The following AMPD1 variants were observed in gnomAD, a reference collection of about 807,000 sequenced individuals.
AMPD1 encodes the protein AMP deaminase 1.
Under a neutral mutation model 82.9 loss-of-function variants are expected in AMPD1, and 74 were observed. That is an observed-to-expected ratio of 0.89 (90% CI 0.74 to 1.08). The LOEUF is 1.08. Ranked by LOEUF, AMPD1 falls within the 50% of genes least tolerant of loss-of-function variation. AMPD1 has a pLI of 0.00. For synonymous variants in AMPD1, 333 were observed against 320.5 expected (o/e 1.04, Z -0.42); for missense variants, 881 against 924.5 (o/e 0.95, Z 0.61).
intron 1 of AMPD1, among the ~76,000 whole-genome samples, chr1:114,693,854 A>G (rs1444218834): frequency 2.0e-5 from 3 of 152,188 alleles, no homozygotes; most frequent in Non-Finnish European, 4.4e-5. Flanking sequence ...ATCCTTAAAC[A>G]TGGAAAAAGC....
chr1:114,686,850 A>G lies in AMPD1; in HGVS notation c.276T>C (p.Ser92=). 1 of 1,614,192 alleles carries G rather than the reference A, an allele frequency of 6.2e-7. No homozygotes were observed. The highest frequency in any genetic ancestry group is 8.5e-7 in the Non-Finnish European group (1 of 1,180,022). Residue 92 remains serine, a synonymous_variant, in exon 4 of 16, where the codon TCT becomes TCC. Coordinates refer to ENST00000520113, the MANE Select transcript of AMPD1 (RefSeq NM_000036.3). ...VNLSIPLSET[S]STKLSHIDEY... ...CATCAATGTGGGACAGTTTGGTGGA[A>G]GATGTTTCACTTAGTGGAATGGACA...
At position 114,686,903 on chromosome 1, in the gene AMPD1, GC is replaced by G. The variant is rs1557973308; in HGVS notation, c.222del (p.Lys74AsnfsTer15). The G allele has an allele frequency of 1.2e-6, 2 of 1,614,170 alleles. No homozygotes were observed. Among genetic ancestry groups the G allele is most frequent in the Non-Finnish European group, 1.7e-6 (2 of 1,180,026 alleles). ...LSTSTEARRK[K>X]RFQGRKTVNL... ...TTAACAGTCTTCCGTCCTTGGAAACGCTTTTTTCTGGGTTCGAAATTTAAAA... is the reference window on the plus strand; with the variant it reads ...TTAACAGTCTTCCGTCCTTGGAAACGTTTTTTCTGGGTTCGAAATTTAAAA... On this transcript the variant is annotated frameshift_variant, in exon 4 of 16. Transcript: ENST00000520113. LOFTEE classifies it high-confidence loss of function.
intron 10 of AMPD1, among the ~76,000 whole-genome samples, chr1:114,677,059 C>T (rs1658004532): frequency 6.6e-6 from 1 of 151,960 alleles, no homozygotes; most frequent in Admixed American, 6.6e-5. Flanking sequence ...AAAATGTATA[C>T]CAAACTGTAC....
chr1:114,688,505 G>A, intron 3 of AMPD1, 56 bp downstream of exon 3: 1 of 1,575,422 alleles, frequency 6.3e-7, no homozygotes, highest in Non-Finnish European at 8.7e-7. Flanking sequence ...TATCTTCCCT[G>A]GCAGATACCC....
At chr1:114,692,509 C>A (rs1041336698) in intron 2 of AMPD1, among the ~76,000 whole-genome samples, 1 of 151,502 alleles carries the variant, frequency 6.6e-6, no homozygotes, top group Non-Finnish European at 1.5e-5. Flanking sequence ...AATGGTGAAA[C>A]CTCGTCTCTA....
At chr1:114,677,666 C>T (rs1414727761) in intron 9 of AMPD1, 152 bp from the exon 10 acceptor site, 1 of 1,168,526 alleles carries the variant, frequency 8.6e-7, no homozygotes, top group Non-Finnish European at 1.2e-6. Flanking sequence ...AATTTCTCTA[C>T]CTTAGCAATA....
At chr1:114,676,845 G>A (rs968259448) in intron 10 of AMPD1, among the ~76,000 whole-genome samples, 19 of 152,268 alleles carry the variant, frequency 1.2e-4, no homozygotes, top group African/African-American at 4.1e-4. Flanking sequence ...CCCTGAAGGC[G>A]ATGAATGATA....
In AMPD1 at chr1:114,678,745, A is replaced by G. The variant is rs111912053; in HGVS notation, c.898-218T>C. On this transcript the variant is annotated intron_variant, in intron 7 of 15. Transcript: ENST00000520113. ...AAAGGTTAGGCTAGAGGCAATAAGA[A>G]TGCTTGCTTCTTCTGTATATCTGTA... is the stretch of plus-strand genomic sequence containing the variant. 5.6e-3 allele frequency among the ~76,000 whole-genome samples: 853 copies of G among 152,276 alleles called. 4 individuals carry two copies. Among genetic ancestry groups the G allele is most frequent in the Non-Finnish European group, 0.01 (696 of 68,028 alleles).
chr1:114,687,765 C>G (rs1332963670), intron 3 of AMPD1, among the ~76,000 whole-genome samples: 1 of 151,952 alleles, frequency 6.6e-6, no homozygotes, highest in Non-Finnish European at 1.5e-5. Context: ...ATGGGATGGG[C>G]AGGTCATGAG....
In AMPD1 at chr1:114,674,641, A is replaced by G; in HGVS notation, c.1800+111T>C. 3.0e-6 allele frequency: 4 copies of G among 1,345,464 alleles called. No homozygotes were observed. The South Asian group carries it at 3.8e-5, about 13-fold the overall frequency. The allele number at this position is 1,345,464 out of a possible 1,614,324, so 83.3% of individuals were successfully genotyped here. ...TAAACTAAAAAATCTTTTATGCTCT[A>G]CTTGATTATGATTGCAGTGTCGATA... On this transcript the variant is annotated intron_variant, in intron 13 of 15. Coordinates refer to ENST00000520113, the MANE Select transcript of AMPD1 (RefSeq NM_000036.3).
chr1:114,674,143 A>C, intron 13 of AMPD1, 61 bp from the exon 14 acceptor site: 5 of 1,459,526 alleles, frequency 3.4e-6, no homozygotes, highest in Non-Finnish European at 4.7e-6. Flanking sequence ...AACTAGAAAC[A>C]CTACAATCTC....
chr1:114,680,352 C>T lies in AMPD1; in HGVS notation c.674G>A (p.Ser225Asn). The T allele has an allele frequency of 6.2e-7, 1 of 1,614,174 alleles. No individual in the cohort carries two copies. The highest frequency in any genetic ancestry group is 8.5e-7 in the Non-Finnish European group (1 of 1,180,040). ...AGGAAGTGGCTTAGGCTCATCTTTGCTGACTGCTGCTTCATTAGGATAGAC... is the reference window on the plus strand; with the variant it reads ...AGGAAGTGGCTTAGGCTCATCTTTGTTGACTGCTGCTTCATTAGGATAGAC... ...VYVYPNEAAV[S>N]KDEPKPLPYP... Residue 225 changes from serine (S) to asparagine (N), a missense_variant, in exon 6 of 16, where the codon AGC becomes AAC. Ser to Asn is a conservative substitution (Grantham distance 46, BLOSUM62 1). This residue lies in a region of AMPD1 where 783 missense variants were observed against 786.4 expected (regional missense o/e 1.00). Coordinates refer to ENST00000520113, the MANE Select transcript of AMPD1 (RefSeq NM_000036.3).
At chr1:114,690,281 G>C (rs1658476764) in intron 2 of AMPD1, among the ~76,000 whole-genome samples, 1 of 152,208 alleles carries the variant, frequency 6.6e-6, no homozygotes, top group East Asian at 1.9e-4. Context: ...CACTAAGTGA[G>C]ATAATGTATG....
chr1:114,678,484 T>C lies in AMPD1; in HGVS notation c.941A>G (p.His314Arg). 2 of 1,614,216 alleles carry C rather than the reference T, an allele frequency of 1.2e-6. No individual in the cohort carries two copies. The highest frequency in any genetic ancestry group is 1.7e-6 in the Non-Finnish European group (2 of 1,180,034). ...IHAAACMNQK[H>R]LLRFIKKSYQ... ...AGATTTCTTAATAAAACGCAGCAGA[T>C]GTTTCTGGTTCATGCAAGCGGCTGC... The change falls in exon 8 of 16, where the codon CAT (histidine) becomes CGT (arginine). Residue 314 changes from histidine to arginine, a missense_variant. By Grantham distance (29) the His-to-Arg change is conservative. Around this residue, in one of 2 missense-constraint regions of AMPD1, gnomAD observed 783 missense variants for 786.4 expected, o/e 1.00. Coordinates refer to ENST00000520113, the MANE Select transcript of AMPD1 (RefSeq NM_000036.3).
At chr1:114,682,618 G>C (rs927680624) in intron 5 of AMPD1, among the ~76,000 whole-genome samples, 3 of 147,286 alleles carry the variant, frequency 2.0e-5, no homozygotes, top group East Asian at 2.0e-4. Context: ...TCCCTCTGTC[G>C]CCCAGGCTGG....
At chr1:114,690,655 GA>G (rs1320130154) in intron 2 of AMPD1, among the ~76,000 whole-genome samples, 1 of 152,194 alleles carries the variant, frequency 6.6e-6, no homozygotes, top group Non-Finnish European at 1.5e-5. Flanking sequence ...CATGATCCAT[GA>G]AGGAACAAAT....
Position 114,679,604 on chromosome 1 carries a change from T to C in AMPD1, c.872A>G (p.His291Arg). 2 of 1,614,076 alleles carry C rather than the reference T, an allele frequency of 1.2e-6. No individual in the cohort carries two copies. Among genetic ancestry groups the C allele is most frequent in the South Asian group, 2.2e-5 (2 of 91,070 alleles). ...CTTCCTGCAGTTATAAAAATCTCGG[T>C]GGGGGTTGTTTTTCAGCTCCTTTAA... ...DELKELKNNP[H>R]RDFYNCRKVD... Residue 291 changes from histidine (H) to arginine (R), a missense_variant, in exon 7 of 16, where the codon CAC becomes CGC. Around this residue, in one of 2 missense-constraint regions of AMPD1, gnomAD observed 783 missense variants for 786.4 expected, o/e 1.00. Transcript: ENST00000520113.
chr1:114,691,903 C>T (rs1189994689), intron 2 of AMPD1, among the ~76,000 whole-genome samples: 1 of 151,686 alleles, frequency 6.6e-6, no homozygotes, highest in Admixed American at 6.6e-5. Context: ...CCAGCCTGGG[C>T]GACAGAGCAA....
At chr1:114,692,804 T>C (rs1658552216) in intron 2 of AMPD1, among the ~76,000 whole-genome samples, 1 of 150,176 alleles carries the variant, frequency 6.7e-6, no homozygotes, top group South Asian at 2.1e-4. Context: ...CAAGATTCAA[T>C]AGGCCCCTTT....
Sources: gnomAD v4.1 joint callset for allele counts (sites outside exome capture counted in the v4.1 genomes callset) on GRCh38, gnomAD v4.1.1 for gene constraint, gnomAD v4.1.1 regional missense constraint, MANE v1.5 for transcripts, NCBI Gene and HGNC (gene_info 2026-07-23, HGNC 2026-07-21) for gene names.